The following RAB6B variants were observed in gnomAD, a reference collection of about 807,000 sequenced individuals.
RAB6B encodes the protein ras-related protein Rab-6B.
In RAB6B, 7 loss-of-function variants were observed where a neutral mutation model predicts 31.2. The observed-to-expected ratio is 0.22, with a 90% CI of 0.13 to 0.42. The LOEUF is 0.42. Ranked by LOEUF, RAB6B falls within the 10% of genes least tolerant of loss-of-function variation. The pLI, the probability that RAB6B is intolerant of heterozygous loss-of-function variation, is 1.00. For synonymous variants in RAB6B, 105 were observed against 104.9 expected, an observed-to-expected ratio of 1.00 and a Z score of -0.01; for missense variants, 149 against 280.6, an observed-to-expected ratio of 0.53 and a Z score of 3.35.
chr3:133,860,611 G>C (rs1233789715), intron 2 of RAB6B, among the ~76,000 whole-genome samples: 2 of 152,228 alleles, frequency 1.3e-5, no homozygotes, highest in Non-Finnish European at 2.9e-5. Flanking sequence ...TCACCTGCAA[G>C]GCCAGAGCAT....
chr3:133,853,972 C>A (rs754214036), intron 2 of RAB6B, among the ~76,000 whole-genome samples: 16 of 152,190 alleles, frequency 1.1e-4, no homozygotes, highest in Non-Finnish European at 2.1e-4. Flanking sequence ...CCCCATGAGA[C>A]CATCTTTGGA....
intron 1 of RAB6B, among the ~76,000 whole-genome samples, chr3:133,874,467 G>A (rs1315474441): frequency 6.6e-6 from 1 of 152,226 alleles, no homozygotes; most frequent in African/African-American, 2.4e-5. Context: ...CAAAGGTACA[G>A]TAAAAGTATG....
intron 7 of RAB6B, among the ~76,000 whole-genome samples, chr3:133,833,388 C>T (rs916790808): frequency 5.9e-5 from 9 of 152,124 alleles, no homozygotes; most frequent in East Asian, 5.8e-4. Flanking sequence ...ACACACAGAC[C>T]GTGGGACTGC....
chr3:133,855,017 G>A (rs1414308350), intron 2 of RAB6B, among the ~76,000 whole-genome samples: 1 of 152,228 alleles, frequency 6.6e-6, no homozygotes, highest in Non-Finnish European at 1.5e-5. Context: ...TCTTCTTTTA[G>A]CCTTGGCCAG....
chr3:133,854,143 C>T (rs2107997932), intron 2 of RAB6B, among the ~76,000 whole-genome samples: 1 of 152,350 alleles, frequency 6.6e-6, no homozygotes, highest in African/African-American at 2.4e-5. Flanking sequence ...TCCCCAGCTT[C>T]TTTGCCCTAG....
At chr3:133,894,014 T>C (rs559105036) in intron 1 of RAB6B, among the ~76,000 whole-genome samples, 2 of 152,344 alleles carry the variant, frequency 1.3e-5, no homozygotes, top group African/African-American at 4.8e-5. Flanking sequence ...TCTAACGTCC[T>C]TCTCTGAACC....
chr3:133,832,205 G>C (rs983436024), intron 7 of RAB6B, among the ~76,000 whole-genome samples: 1 of 152,186 alleles, frequency 6.6e-6, no homozygotes, highest in Non-Finnish European at 1.5e-5. Context: ...GGTAGAAAGT[G>C]GGGGTTGGGG....
At chr3:133,865,828 T>G (rs984491149) in intron 1 of RAB6B, among the ~76,000 whole-genome samples, 1 of 152,036 alleles carries the variant, frequency 6.6e-6, no homozygotes, top group African/African-American at 2.4e-5. Flanking sequence ...GCCTCAAGAG[T>G]GCACCACATA....
chr3:133,880,064 A>T (rs1428346490), intron 1 of RAB6B, among the ~76,000 whole-genome samples: 1 of 152,216 alleles, frequency 6.6e-6, no homozygotes, highest in Non-Finnish European at 1.5e-5. Flanking sequence ...TGCTGTGAAG[A>T]ATTAATTCAC....
At chr3:133,890,652 C>T (rs1420954863) in intron 1 of RAB6B, among the ~76,000 whole-genome samples, 1 of 152,074 alleles carries the variant, frequency 6.6e-6, no homozygotes, top group Non-Finnish European at 1.5e-5. Context: ...CCTCAACTTC[C>T]TTCACTTTTA....
At chr3:133,856,619 C>T (rs1576400326) in intron 2 of RAB6B, among the ~76,000 whole-genome samples, 1 of 152,274 alleles carries the variant, frequency 6.6e-6, no homozygotes, top group African/African-American at 2.4e-5. Flanking sequence ...ACTGGGTGAG[C>T]CCACCAGTAG....
intron 4 of RAB6B, 85 bp downstream of exon 4, chr3:133,841,188 GCGTGTGCACACA>G: frequency 1.8e-6 from 2 of 1,088,604 alleles, no homozygotes; most frequent in Admixed American, 3.6e-5. Context: ...GCACACACAT[GCGTGTGCACACA>G]CATGCACACA....
chr3:133,853,151 T>C (rs1936025461), intron 2 of RAB6B, among the ~76,000 whole-genome samples: 1 of 152,018 alleles, frequency 6.6e-6, no homozygotes, highest in Non-Finnish European at 1.5e-5. Context: ...GCAACCTTGG[T>C]GATTTCCTGT....
At chr3:133,864,545 C>T (rs374438240) in intron 2 of RAB6B, 39 bp downstream of exon 2, 22 of 1,597,234 alleles carry the variant, frequency 1.4e-5, no homozygotes, top group Non-Finnish European at 1.7e-5. Flanking sequence ...AGGTCAGCCA[C>T]TGCCAGATGA....
intron 2 of RAB6B, among the ~76,000 whole-genome samples, chr3:133,852,846 A>G (rs1373510537): frequency 6.6e-6 from 1 of 152,136 alleles, no homozygotes; most frequent in Non-Finnish European, 1.5e-5. Context: ...TGTTAGCAAT[A>G]TCTGGCTCAA....
At chr3:133,860,440 G>C (rs1469347044) in intron 2 of RAB6B, among the ~76,000 whole-genome samples, 2 of 152,178 alleles carry the variant, frequency 1.3e-5, no homozygotes, top group Non-Finnish European at 2.9e-5. Flanking sequence ...AGAGCCTTCT[G>C]AGAACAAGGC....
At chr3:133,843,855 G>A (rs1247542829) in intron 2 of RAB6B, among the ~76,000 whole-genome samples, 6 of 152,162 alleles carry the variant, frequency 3.9e-5, no homozygotes, top group Non-Finnish European at 7.3e-5. Flanking sequence ...TCCAGATGAG[G>A]ATGACAGAGG....
intron 1 of RAB6B, among the ~76,000 whole-genome samples, chr3:133,873,552 C>G (rs536831998): frequency 4.6e-5 from 7 of 152,326 alleles, no homozygotes; most frequent in East Asian, 3.9e-4. Context: ...GCTCGGCCCC[C>G]TCTCCTGCCC....
rs1243119415 is a variant in RAB6B, at chr3:133,826,774, T to C, written c.*2014A>G. Reference sequence around the variant, plus strand: ...GACAATCACAAGTTATTTGACAATATTAAGTATTTCTTATTTCAACACGTT... The same window carrying C: ...GACAATCACAAGTTATTTGACAATACTAAGTATTTCTTATTTCAACACGTT... On this transcript the variant is annotated 3_prime_UTR_variant, in exon 8 of 8. Transcript: ENST00000285208. 6.5e-6 allele frequency: 1 copy of C among 152,700 alleles called. No individual in the cohort carries two copies. The highest frequency in any genetic ancestry group is 1.5e-5 in the Non-Finnish European group (1 of 68,048). 9.5% of individuals were successfully genotyped at this position (152,700 alleles called of 1,614,324 possible). A position where few individuals can be genotyped will look rare whatever the true frequency, so the allele number is the denominator to read the frequency against.
Sources: gnomAD v4.1 joint callset for allele counts (sites outside exome capture counted in the v4.1 genomes callset) on GRCh38, gnomAD v4.1.1 for gene constraint, MANE v1.5 for transcripts, NCBI Gene and HGNC (gene_info 2026-07-23, HGNC 2026-07-21) for gene names.